CMSS1: variants seen among roughly 807,000 people sequenced by gnomAD.
CMSS1 encodes the protein cms1 ribosomal small subunit homolog, also known as protein CMSS1.
Under a neutral mutation model 43.5 loss-of-function variants are expected in CMSS1, and 33 were observed. The observed-to-expected ratio is 0.76, with a 90% CI of 0.57 to 1.01. CMSS1 has a LOEUF of 1.01. CMSS1 is among the 50% of genes least tolerant of loss of function. The pLI is 0.00. For synonymous variants in CMSS1, 115 were observed against 117.2 expected, an observed-to-expected ratio of 0.98 and a Z score of 0.12; for missense variants, 313 against 326.4, an observed-to-expected ratio of 0.96 and a Z score of 0.32.
At chr3:100,022,458 T>C (rs961041339) in intron 1 of CMSS1, among the ~76,000 whole-genome samples, 13 of 152,198 alleles carry the variant, frequency 8.5e-5, no homozygotes, top group Non-Finnish European at 1.9e-4. Flanking sequence ...AGTTCAACAA[T>C]TGCACATCCC....
At chr3:99,931,667 C>T (rs1707487475) in intron 1 of CMSS1, among the ~76,000 whole-genome samples, 1 of 152,286 alleles carries the variant, frequency 6.6e-6, no homozygotes, top group Admixed American at 6.5e-5. Flanking sequence ...AATTCTAGAT[C>T]TATCCTTGGG....
At chr3:99,985,763 A>AT (rs1341427897) in intron 1 of CMSS1, among the ~76,000 whole-genome samples, 1 of 151,868 alleles carries the variant, frequency 6.6e-6, no homozygotes. Flanking sequence ...TGGTTTTTGT[A>AT]TTTTTACTAG....
At chr3:99,888,737 T>C (rs1189109612) in intron 1 of CMSS1, among the ~76,000 whole-genome samples, 1 of 152,212 alleles carries the variant, frequency 6.6e-6, no homozygotes, top group Non-Finnish European at 1.5e-5. Context: ...TTCATTTTTC[T>C]CTCTTCCAGC....
chr3:99,913,774 GC>G (rs1706867909), intron 1 of CMSS1, among the ~76,000 whole-genome samples: 1 of 152,198 alleles, frequency 6.6e-6, no homozygotes, highest in South Asian at 2.1e-4. Context: ...GTGTGAAAAA[GC>G]TGTGAGTTGG....
chr3:99,962,220 G>A (rs934201072), intron 1 of CMSS1, among the ~76,000 whole-genome samples: 2 of 152,166 alleles, frequency 1.3e-5, no homozygotes, highest in Non-Finnish European at 2.9e-5. Context: ...GAGGCACTAA[G>A]TGGGAGGTGA....
chr3:99,861,210 C>T (rs1944236500), intron 1 of CMSS1, among the ~76,000 whole-genome samples: 1 of 152,126 alleles, frequency 6.6e-6, no homozygotes, highest in South Asian at 2.1e-4. Context: ...AAAAAATTAC[C>T]TGTCTTCCAA....
chr3:99,983,426 ATG>A (rs71751972), intron 1 of CMSS1, among the ~76,000 whole-genome samples: 1,353 of 82,694 alleles, frequency 0.016, 61 homozygotes, highest in South Asian at 0.073. Context: ...ATATGTATGT[ATG>A]TATGTATATA....
chr3:100,048,224 T>C (rs2065309497), intron 1 of CMSS1, among the ~76,000 whole-genome samples: 1 of 152,250 alleles, frequency 6.6e-6, no homozygotes, highest in African/African-American at 2.4e-5. Context: ...ATCCTTCCAC[T>C]GTCTTTATTT....
chr3:100,135,929 T>A (rs1259159406), intron 1 of CMSS1, among the ~76,000 whole-genome samples: 1 of 152,178 alleles, frequency 6.6e-6, no homozygotes, highest in Non-Finnish European at 1.5e-5. Context: ...TAAAGTTTTC[T>A]GTGGGAACAG....
intron 1 of CMSS1, among the ~76,000 whole-genome samples, chr3:99,872,771 A>G (rs1281411800): frequency 6.6e-6 from 1 of 152,204 alleles, no homozygotes; most frequent in Non-Finnish European, 1.5e-5. Context: ...AAAGCATCTC[A>G]GAGAACAAGC....
intron 1 of CMSS1, among the ~76,000 whole-genome samples, chr3:100,016,851 A>G (rs911760400): frequency 9.8e-5 from 15 of 152,346 alleles, no homozygotes; most frequent in Middle Eastern, 6.8e-3. Context: ...ATTTCATGAC[A>G]TCTTAGTCTA....
Position 100,176,329 on chromosome 3 carries a change from G to A in CMSS1, c.670G>A (p.Gly224Ser), listed in dbSNP as rs1265277350. 1 of 1,605,894 alleles carries A rather than the reference G, an allele frequency of 6.2e-7. No homozygotes were observed. The highest frequency in any genetic ancestry group is 1.1e-5 in the South Asian group (1 of 90,814). The change falls in exon 9 of 10, where the codon GGC becomes AGC. Residue 224 changes from glycine to serine, a missense_variant and splice_region_variant. Physicochemically the swap from Gly to Ser is moderately conservative, Grantham distance 56 (BLOSUM62 0). Coordinates refer to ENST00000421999, the MANE Select transcript of CMSS1 (RefSeq NM_032359.4). ...GRIKELVKQG[G>S]LNLSPLKFLV... is the part of the protein sequence containing the mutation. The stretch of plus-strand genomic sequence containing the variant: ...AACTCTCTTCCTGTCTCTTTCAGGT[G>A]GCCTTAATTTGAGCCCCTTAAAATT...
intron 1 of CMSS1, among the ~76,000 whole-genome samples, chr3:99,992,144 C>CT (rs1325236706): frequency 3.3e-5 from 5 of 151,810 alleles, no homozygotes; most frequent in African/African-American, 1.2e-4. Flanking sequence ...GTGCAGCTAT[C>CT]TTTTTGATAT....
At chr3:99,831,249 A>G (rs1281092758) in intron 1 of CMSS1, among the ~76,000 whole-genome samples, 1 of 152,234 alleles carries the variant, frequency 6.6e-6, no homozygotes, top group Non-Finnish European at 1.5e-5. Context: ...GCTTCAGGAA[A>G]ACGTTTACTT....
At chr3:99,938,967 T>C (rs2107673980) in intron 1 of CMSS1, among the ~76,000 whole-genome samples, 1 of 152,368 alleles carries the variant, frequency 6.6e-6, no homozygotes, top group East Asian at 1.9e-4. Flanking sequence ...GTAATTGGCC[T>C]CCGTTATCTT....
chr3:100,181,346 A>G lies in CMSS1; in HGVS notation c.*2958A>G, dbSNP rs1015914841. On this transcript the variant is annotated 3_prime_UTR_variant, in exon 10 of 10. Transcript: ENST00000421999. ...CTTCAGGCTTAATAGAAAAGTTTAA[A>G]AAATAGAGAATTCCCATATCCCCTT... The G allele has an allele frequency of 1.3e-5, 2 of 152,262 alleles. No homozygotes were observed. Among genetic ancestry groups the G allele is most frequent in the Non-Finnish European group, 2.9e-5 (2 of 68,042 alleles). The allele number at this position is 152,262 out of a possible 1,614,324, so 9.4% of individuals were successfully genotyped here.
At chr3:100,140,743 A>G (rs1249406426) in intron 1 of CMSS1, among the ~76,000 whole-genome samples, 1 of 152,122 alleles carries the variant, frequency 6.6e-6, no homozygotes, top group Non-Finnish European at 1.5e-5. Flanking sequence ...GAGCTTATGC[A>G]ATTTCATGGG....
At chr3:99,887,515 A>G (rs1329029831) in intron 1 of CMSS1, among the ~76,000 whole-genome samples, 1 of 152,204 alleles carries the variant, frequency 6.6e-6, no homozygotes, top group Non-Finnish European at 1.5e-5. Flanking sequence ...CAGGCTACGA[A>G]TAGGTCTTAA....
At chr3:100,060,643 T>C (rs981586452) in intron 1 of CMSS1, among the ~76,000 whole-genome samples, 1 of 151,762 alleles carries the variant, frequency 6.6e-6, no homozygotes, top group Non-Finnish European at 1.5e-5. Context: ...TACCTTGAGC[T>C]CACAAATTTG....
Sources: allele counts gnomAD v4.1 joint callset (sites outside exome capture counted in the v4.1 genomes callset), GRCh38; gene constraint gnomAD v4.1.1; transcripts MANE v1.5; gene names NCBI Gene and HGNC (gene_info 2026-07-23, HGNC 2026-07-21).